Variants in STMP1 observed in about 807,000 individuals in gnomAD.
STMP1 encodes the protein short transmembrane mitochondrial protein 1.
In STMP1, 7 loss-of-function variants were observed where a neutral mutation model predicts 7.0. The ratio of observed to expected loss-of-function variants is 1.01; its 90% CI spans 0.57 to 1.89. The LOEUF is 1.89. Ranked by LOEUF, STMP1 falls within the 40% of genes most tolerant of loss-of-function variation. STMP1 has a pLI of 0.00. For synonymous variants in STMP1, 19 were observed against 18.4 expected (o/e 1.03, Z -0.08); for missense variants, 45 against 53.0 (o/e 0.85, Z 0.47).
chr7:135,673,596 C>T (rs1406010532), intron 2 of STMP1, among the ~76,000 whole-genome samples: 1 of 152,138 alleles, frequency 6.6e-6, no homozygotes, highest in Non-Finnish European at 1.5e-5. Flanking sequence ...AAGGAGCATA[C>T]TTATCTGACA....
At chr7:135,673,768 A>G (rs113152113) in intron 2 of STMP1, among the ~76,000 whole-genome samples, 4,736 of 152,230 alleles carry the variant, frequency 0.031, 252 homozygotes, top group African/African-American at 0.1. Context: ...ACGAAAGCCC[A>G]TCTTTACAAA....
rs1795388889 is a variant in STMP1, at chr7:135,674,397, G to A, written c.*232G>A. Reference sequence around the variant, plus strand: ...ATAATCCCTTTCCAACTGCATGGGAGGTTCTAAGACTGGAATTATGGTGCT... The same window carrying A: ...ATAATCCCTTTCCAACTGCATGGGAAGTTCTAAGACTGGAATTATGGTGCT... On this transcript the variant is annotated 3_prime_UTR_variant, in exon 3 of 3. Coordinates refer to ENST00000507606, the MANE Select transcript of STMP1 (RefSeq NM_001130929.2). The A allele has an allele frequency of 8.8e-6, 4 of 456,890 alleles. No individual in the cohort carries two copies. The highest frequency in any genetic ancestry group is 1.6e-5 in the Non-Finnish European group (4 of 256,942). The allele number at this position is 456,890 out of a possible 1,614,324, so 28.3% of individuals were successfully genotyped here.
In STMP1 at chr7:135,676,280, G is replaced by A. The variant is rs1795414308; in HGVS notation, c.*2115G>A. The A allele has an allele frequency of 6.6e-6, 1 of 152,158 alleles. No individual in the cohort carries two copies. The highest frequency in any genetic ancestry group is 2.4e-5 in the African/African-American group (1 of 41,426). 9.4% of individuals were successfully genotyped at this position (152,158 alleles called of 1,614,324 possible). On this transcript the variant is annotated 3_prime_UTR_variant, in exon 3 of 3. Transcript: ENST00000507606. ...CACGGGTTTGTAGCTTATTCTTTCA[G>A]AAACTCTTGCATTATCTGTAGACGT... is the stretch of plus-strand genomic sequence containing the variant.
rs544994308 is a variant in STMP1 at position 135,675,316 on chromosome 7, C to T, written c.*1151C>T. The T allele has an allele frequency of 2.6e-5, 4 of 152,088 alleles. No individual in the cohort carries two copies. The highest frequency in any genetic ancestry group is 9.7e-5 in the African/African-American group (4 of 41,434). The allele number at this position is 152,088 out of a possible 1,614,324, so 9.4% of individuals were successfully genotyped here. ...GAAAGAGTCTGTGCCTAAACAAACA[C>T]GTGTAACACAAATAGTAACTATACA... is the stretch of plus-strand genomic sequence containing the variant. On this transcript the variant is annotated 3_prime_UTR_variant, in exon 3 of 3. Coordinates refer to ENST00000507606, the MANE Select transcript of STMP1 (RefSeq NM_001130929.2).
chr7:135,671,281 A>G (rs1031555863), intron 1 of STMP1, among the ~76,000 whole-genome samples: 1 of 152,222 alleles, frequency 6.6e-6, no homozygotes, highest in Non-Finnish European at 1.5e-5. Flanking sequence ...CAAGCTTAGT[A>G]AGTTTAAAGT....
intron 1 of STMP1, among the ~76,000 whole-genome samples, chr7:135,664,929 C>T (rs1795276957): frequency 6.6e-6 from 1 of 152,142 alleles, no homozygotes; most frequent in Non-Finnish European, 1.5e-5. Flanking sequence ...TGAACTCTGC[C>T]TCCCATCATT....
At position 135,674,155 on chromosome 7, in the gene STMP1, C is replaced by T. The variant is rs1265683795; in HGVS notation, c.134C>T (p.Pro45Leu). The change falls in exon 3 of 3, where the codon CCT (proline) becomes CTT (leucine). Residue 45 changes from proline (P) to leucine (L), a missense_variant. Coordinates refer to ENST00000507606, the MANE Select transcript of STMP1 (RefSeq NM_001130929.2). The part of the protein sequence containing the change: ...KKDLDAKKKP[P>L]SA ...GACTTGGATGCCAAGAAGAAACCCC[C>T]TAGTGCATGAGACTGCCTCCAGCAC... 1.9e-6 allele frequency: 3 copies of T among 1,550,098 alleles called. No homozygotes were observed. The East Asian group carries it at 7.3e-5, about 38-fold the overall frequency.
At chr7:135,672,474 G>A (rs932657476) in intron 1 of STMP1, among the ~76,000 whole-genome samples, 7 of 152,174 alleles carry the variant, frequency 4.6e-5, no homozygotes, top group African/African-American at 1.7e-4. Context: ...GCTTTATACA[G>A]TGTTACCATT....
chr7:135,665,364 T>C (rs747302400), intron 1 of STMP1, among the ~76,000 whole-genome samples: 2 of 152,252 alleles, frequency 1.3e-5, no homozygotes, highest in Non-Finnish European at 2.9e-5. Context: ...CCTCCTCAGA[T>C]TAAAATATTC....
rs1214830518 is a variant in STMP1 at position 135,672,755 on chromosome 7, T to C, written c.18T>C (p.Leu6=). 6.4e-7 allele frequency: 1 copy of C among 1,551,458 alleles called. No individual in the cohort carries two copies. ...CTCTTACTGTTCTATTTTTTCAGCTTGGATTTACACTGGGCAACGTGGTTG... is the reference window on the plus strand; with the variant it reads ...CTCTTACTGTTCTATTTTTTCAGCTCGGATTTACACTGGGCAACGTGGTTG... MLQFL[L]GFTLGNVVGM... is the part of the protein sequence containing the mutation. Residue 6 remains leucine, a splice_region_variant and synonymous_variant, in exon 2 of 3, where the codon CTT becomes CTC. Coordinates refer to ENST00000507606, the MANE Select transcript of STMP1 (RefSeq NM_001130929.2).
intron 1 of STMP1, among the ~76,000 whole-genome samples, chr7:135,665,972 G>A (rs924073198): frequency 2.6e-5 from 4 of 151,594 alleles, no homozygotes; most frequent in Non-Finnish European, 4.4e-5. Context: ...TGCCATCTTG[G>A]CTCACTGCAC....
intron 1 of STMP1, among the ~76,000 whole-genome samples, chr7:135,665,126 A>G (rs534166387): frequency 8.7e-4 from 133 of 152,326 alleles, no homozygotes; most frequent in African/African-American, 3.1e-3. Flanking sequence ...TGCAGGGTTC[A>G]TTTGAACCCT....
intron 1 of STMP1, 22 bp downstream of exon 1, chr7:135,662,616 C>G (rs1188295244): frequency 2.6e-6 from 4 of 1,545,328 alleles, no homozygotes; most frequent in Non-Finnish European, 3.5e-6. Context: ...TGCCGAAGAG[C>G]GGGGCCCGCT....
At chr7:135,666,648 T>C (rs1463393713) in intron 1 of STMP1, among the ~76,000 whole-genome samples, 1 of 135,042 alleles carries the variant, frequency 7.4e-6, no homozygotes, top group East Asian at 2.1e-4. Flanking sequence ...GGCCTTACAC[T>C]ATTACACTAT....
intron 1 of STMP1, among the ~76,000 whole-genome samples, chr7:135,662,973 T>G (rs1795250642): frequency 6.6e-6 from 1 of 152,192 alleles, no homozygotes; most frequent in Admixed American, 6.5e-5. Context: ...CATTACATGG[T>G]CGCCGGCCGG....
chr7:135,662,786 A>C (rs927279055), intron 1 of STMP1, among the ~76,000 whole-genome samples, 192 bp downstream of exon 1: 1 of 152,192 alleles, frequency 6.6e-6, no homozygotes, highest in African/African-American at 2.4e-5. Flanking sequence ...CCCTTTGCCA[A>C]TATTTTTCTG....
At chr7:135,664,090 T>TA (rs1795267703) in intron 1 of STMP1, among the ~76,000 whole-genome samples, 2 of 152,234 alleles carry the variant, frequency 1.3e-5, no homozygotes. Flanking sequence ...CCTTTGCCTC[T>TA]AGGAGTTTCT....
intron 1 of STMP1, among the ~76,000 whole-genome samples, chr7:135,666,655 CTAT>C (rs1407970870): frequency 1.4e-5 from 1 of 72,262 alleles, no homozygotes; most frequent in Non-Finnish European, 3.5e-5. Context: ...CACTATTACA[CTAT>C]TATGATCCAT....
rs373510017 is a variant in STMP1, at chr7:135,671,188, G to A, written c.16-1565G>A. Among the ~76,000 whole-genome samples the A allele has an allele frequency of 2.2e-4, 33 of 152,210 alleles. No individual in the cohort carries two copies. The East Asian group carries it at 3.1e-3, about 14-fold the overall frequency. ...ATCTGATTAATCAAATGATCAGAAC[G>A]GTCTATGATTAGAGATAAGATAGAC... is the stretch of plus-strand genomic sequence containing the variant. On this transcript the variant is annotated intron_variant, in intron 1 of 2. Transcript: ENST00000507606.
Sources: gnomAD v4.1 joint callset for allele counts (sites outside exome capture counted in the v4.1 genomes callset) on GRCh38, gnomAD v4.1.1 for gene constraint, MANE v1.5 for transcripts, NCBI Gene and HGNC (gene_info 2026-07-23, HGNC 2026-07-21) for gene names.